Variants in WDR36 observed in about 807,000 individuals in gnomAD.
The protein encoded by WDR36 is WD repeat-containing protein 36.
WDR36 carries 63 observed loss-of-function variants against 112.7 expected under a neutral mutation model. The ratio of observed to expected loss-of-function variants is 0.56; its 90% CI spans 0.46 to 0.69. The LOEUF is 0.69. WDR36 is among the 30% of genes least tolerant of loss of function. The probability of loss-of-function intolerance (pLI) is 0.00; values close to 1 mark genes in which losing one functional copy is unlikely to be tolerated. For missense variants in WDR36, 1,226 were observed against 1,070.3 expected (o/e 1.15, Z -2.03); for synonymous variants, 410 against 362.2 (o/e 1.13, Z -1.50).
At chr5:111,107,848 C>T (rs1753250028) in intron 12 of WDR36, among the ~76,000 whole-genome samples, 1 of 151,326 alleles carries the variant, frequency 6.6e-6, no homozygotes, top group Admixed American at 6.6e-5. Flanking sequence ...ATCTGTATGT[C>T]TGTTCTTATA....
intron 11 of WDR36, 46 bp from the exon 12 acceptor site, chr5:111,107,248 A>G (rs765936592): frequency 1.3e-6 from 2 of 1,583,162 alleles, no homozygotes; most frequent in Non-Finnish European, 1.7e-6. Flanking sequence ...ATAAATGAAT[A>G]ACAGAATGAA....
At chr5:111,119,226 GAA>G in intron 17 of WDR36, 106 bp downstream of exon 17, 2 of 884,932 alleles carry the variant, frequency 2.3e-6, no homozygotes, top group Admixed American at 3.5e-5. Context: ...GTATTAAATG[GAA>G]ATGTCACAAG....
chr5:111,096,929 T>C, intron 2 of WDR36, 150 bp from the exon 3 acceptor site: 1 of 591,158 alleles, frequency 1.7e-6, no homozygotes, highest in Non-Finnish European at 3.0e-6. Context: ...TAAAATATTT[T>C]AGTTAAAATT....
chr5:111,117,570 T>C (rs934522410), intron 16 of WDR36, among the ~76,000 whole-genome samples: 6 of 152,118 alleles, frequency 3.9e-5, no homozygotes, highest in African/African-American at 1.4e-4. Flanking sequence ...TGGGTAAAAA[T>C]CCTGACCCAG....
At position 111,110,956 on chromosome 5, in the gene WDR36, A is replaced by G; in HGVS notation, c.1607+3A>G. 4 of 1,610,842 alleles carry G rather than the reference A, an allele frequency of 2.5e-6. No homozygotes were observed. The highest frequency in any genetic ancestry group is 3.4e-6 in the Non-Finnish European group (4 of 1,178,050). On this transcript the variant is annotated splice_donor_region_variant and intron_variant, in intron 14 of 22. Transcript: ENST00000513710. ...ATCATGTTGCTACATAGGGACAGGT[A>G]AACTTTTAATGATAATGGATTTTCT...
At chr5:111,107,257 A>C in intron 11 of WDR36, 37 bp from the exon 12 acceptor site, 1 of 1,595,286 alleles carries the variant, frequency 6.3e-7, no homozygotes, top group Non-Finnish European at 8.6e-7. Flanking sequence ...TAACAGAATG[A>C]AAAGTAATTT....
chr5:111,095,060 T>G, intron 2 of WDR36, 113 bp downstream of exon 2: 1 of 943,830 alleles, frequency 1.1e-6, no homozygotes, highest in Non-Finnish European at 1.6e-6. Flanking sequence ...GTATGTCTTA[T>G]AAACTTACAT....
rs145425527 is a variant in WDR36 at position 111,107,988 on chromosome 5, G to C, written c.1326+549G>C. On this transcript the variant is annotated intron_variant, in intron 12 of 22. Transcript: ENST00000513710. ...CTTCTGGTCCCTTGCATTTCCGTAT[G>C]GATTTTAGAATGAGCTTATCAATTT... 3.3e-3 allele frequency among the ~76,000 whole-genome samples: 492 copies of C among 151,056 alleles called. 1 individual carries two copies. The highest frequency in any genetic ancestry group is 5.3e-3 in the Non-Finnish European group (358 of 67,350).
Position 111,125,466 on chromosome 5 carries a change from T to C in WDR36, c.2351-142T>C, listed in dbSNP as rs1204162996. The stretch of plus-strand genomic sequence containing the variant: ...TCAATTATTTTGGGTTTCATTCTAC[T>C]ACATAATATGAAAAAATTAACCCAC... On this transcript the variant is annotated intron_variant, in intron 21 of 22. Coordinates refer to ENST00000513710, the MANE Select transcript of WDR36 (RefSeq NM_139281.3). The C allele has an allele frequency of 6.1e-6, 5 of 817,026 alleles. No individual in the cohort carries two copies. In the Admixed American group the frequency reaches 1.3e-4, roughly 22 times the overall value. 50.6% of individuals were successfully genotyped at this position (817,026 alleles called of 1,614,324 possible). A position where few individuals can be genotyped will look rare whatever the true frequency, so the allele number is the denominator to read the frequency against.
At position 111,129,401 on chromosome 5, in the gene WDR36, T is replaced by A. The variant is rs2112597426; in HGVS notation, c.*2518T>A. The A allele has an allele frequency of 5.2e-6, 1 of 193,272 alleles. No individual in the cohort carries two copies. Among genetic ancestry groups the A allele is most frequent in the Admixed American group, 6.1e-5 (1 of 16,374 alleles). The allele number at this position is 193,272 out of a possible 1,614,324, so 12.0% of individuals were successfully genotyped here. On this transcript the variant is annotated 3_prime_UTR_variant, in exon 23 of 23. Coordinates refer to ENST00000513710, the MANE Select transcript of WDR36 (RefSeq NM_139281.3). ...TGCTTCCCCATGTAATTAATGACAC[T>A]TGCTATTGGATTTTTGTAATTTAAT...
intron 15 of WDR36, 63 bp downstream of exon 15, chr5:111,111,341 T>C (rs750623550): frequency 7.9e-7 from 1 of 1,263,500 alleles, no homozygotes; most frequent in South Asian, 1.2e-5. Flanking sequence ...TGTGTTATCC[T>C]TTAATAGCCT....
rs367681338 is a variant in WDR36 at position 111,113,049 on chromosome 5, TA to T, written c.1717-24del. 55 of 486,404 alleles carry T rather than the reference TA, an allele frequency of 1.1e-4. No homozygotes were observed. The African/African-American group carries it at 1.3e-3, about 12-fold the overall frequency. 30.1% of individuals were successfully genotyped at this position (486,404 alleles called of 1,614,324 possible). The stretch of plus-strand genomic sequence containing the variant: ...TATATATAAATAATATATATATATA[TA>T]TATTTTTTTTTTTTAATTTAAAGGC... On this transcript the variant is annotated intron_variant, in intron 15 of 22. Coordinates refer to ENST00000513710, the MANE Select transcript of WDR36 (RefSeq NM_139281.3).
At chr5:111,116,386 A>G (rs6884870) in intron 16 of WDR36, among the ~76,000 whole-genome samples, 38,781 of 152,066 alleles carry the variant, frequency 0.26, 5,840 homozygotes, top group Non-Finnish European at 0.34. Context: ...ATTGTTTTCA[A>G]TTTCTCACTG....
chr5:111,094,443 C>T (rs1752935406), intron 1 of WDR36, among the ~76,000 whole-genome samples: 1 of 151,916 alleles, frequency 6.6e-6, no homozygotes, highest in African/African-American at 2.4e-5. Flanking sequence ...TTTTGTATGA[C>T]CCAGGAGTTA....
chr5:111,118,651 T>TG (rs1398711320), intron 16 of WDR36, among the ~76,000 whole-genome samples: 1 of 152,214 alleles, frequency 6.6e-6, no homozygotes, highest in Non-Finnish European at 1.5e-5. Flanking sequence ...TACAGAATAC[T>TG]GATAATTAGA....
At chr5:111,117,884 G>T (rs559775981) in intron 16 of WDR36, among the ~76,000 whole-genome samples, 1 of 152,276 alleles carries the variant, frequency 6.6e-6, no homozygotes, top group African/African-American at 2.4e-5. Context: ...AGCCTAAGGG[G>T]TCTTTCAGCA....
chr5:111,103,485 C>G (rs1324148417), intron 6 of WDR36, among the ~76,000 whole-genome samples: 7 of 151,658 alleles, frequency 4.6e-5, no homozygotes, highest in Non-Finnish European at 1.0e-4. Flanking sequence ...TTATACATAG[C>G]TTTCTTTTTC....
intron 4 of WDR36, among the ~76,000 whole-genome samples, chr5:111,099,472 T>G (rs1213920780): frequency 1.0e-4 from 15 of 144,814 alleles, no homozygotes; most frequent in East Asian, 2.0e-4. Flanking sequence ...TGTTTTTTTT[T>G]TTTTTTTTTT....
intron 5 of WDR36, 68 bp from the exon 6 acceptor site, chr5:111,102,277 T>A (rs762004572): frequency 8.7e-5 from 102 of 1,174,836 alleles, no homozygotes; most frequent in Non-Finnish European, 1.1e-4. Flanking sequence ...CACTTTTTAA[T>A]GTGTAGCTGA....
Sources: gnomAD v4.1 joint callset for allele counts (sites outside exome capture counted in the v4.1 genomes callset) on GRCh38, gnomAD v4.1.1 for gene constraint, MANE v1.5 for transcripts, NCBI Gene and HGNC (gene_info 2026-07-23, HGNC 2026-07-21) for gene names.